RASGRF1: variants seen among roughly 807,000 people sequenced by gnomAD.
RASGRF1 encodes the protein Ras protein specific guanine nucleotide releasing factor 1.
Under a neutral mutation model 138.7 loss-of-function variants are expected in RASGRF1, and 40 were observed. That is an observed-to-expected ratio of 0.29 (90% CI 0.22 to 0.38). The LOEUF (loss-of-function observed/expected upper bound fraction) is 0.38, where lower values mean the gene tolerates loss of function less well. RASGRF1 is among the 10% of genes least tolerant of loss of function. RASGRF1 has a pLI of 1.00. For missense variants in RASGRF1, 1,108 were observed against 1,650.4 expected (o/e 0.67, Z 5.69); for synonymous variants, 614 against 663.2 (o/e 0.93, Z 1.14).
At position 79,017,883 on chromosome 15, in the gene RASGRF1, C is replaced by G. The variant is rs780630269; in HGVS notation, c.1630G>C (p.Asp544His). Reference sequence around the variant, plus strand: ...ACCCCGATTTTAAAATCCAAGTGATCTATGTCTTGGCCGGATCCTTTGGCT... The same window carrying G: ...ACCCCGATTTTAAAATCCAAGTGATGTATGTCTTGGCCGGATCCTTTGGCT... The part of the protein sequence containing the change: ...EEAKGSGQDI[D>H]HLDFKIGVEP... The change falls in exon 12 of 27, where the codon GAT (aspartate) becomes CAT (histidine). Residue 544 changes from aspartate (D) to histidine (H), a missense_variant. By Grantham distance (81) the Asp-to-His change is moderately conservative (BLOSUM62 -1). Around this residue, in one of 3 missense-constraint regions of RASGRF1, gnomAD observed 686 missense variants for 976.7 expected, o/e 0.70. Coordinates refer to ENST00000558480, the MANE Select transcript of RASGRF1 (RefSeq NM_001145648.3). 1 of 1,613,502 alleles carries G rather than the reference C, an allele frequency of 6.2e-7. No individual in the cohort carries two copies. Among genetic ancestry groups the G allele is most frequent in the Non-Finnish European group, 8.5e-7 (1 of 1,179,820 alleles).
chr15:79,064,130 A>G (rs967521754), intron 2 of RASGRF1, among the ~76,000 whole-genome samples: 26 of 152,148 alleles, frequency 1.7e-4, no homozygotes, highest in African/African-American at 6.3e-4. Flanking sequence ...GAGCCACAAA[A>G]TCCTTTAACC....
intron 24 of RASGRF1, among the ~76,000 whole-genome samples, chr15:78,974,044 T>C (rs1723902277): frequency 6.6e-6 from 1 of 152,118 alleles, no homozygotes; most frequent in Non-Finnish European, 1.5e-5. Flanking sequence ...CCATGGTTGG[T>C]GACTCATGGG....
intron 1 of RASGRF1, among the ~76,000 whole-genome samples, chr15:79,071,672 CT>C (rs889812505): frequency 3.9e-5 from 6 of 151,992 alleles, no homozygotes; most frequent in African/African-American, 1.2e-4. Context: ...GCCTGGCCCT[CT>C]GCAGCTGTCT....
At position 78,991,851 on chromosome 15, in the gene RASGRF1, G is replaced by A. The variant is rs1035283880; in HGVS notation, c.3028-57C>T. 5.6e-6 allele frequency: 8 copies of A among 1,421,410 alleles called. No homozygotes were observed. The African/African-American group carries it at 1.1e-4, about 20-fold the overall frequency. The allele number at this position is 1,421,410 out of a possible 1,614,324, so 88.0% of individuals were successfully genotyped here. A position where few individuals can be genotyped will look rare whatever the true frequency, so the allele number is the denominator to read the frequency against. On this transcript the variant is annotated intron_variant, in intron 20 of 26. Transcript: ENST00000558480. ...GTTAGGCCCATGACGGACACCTCCT[G>A]GATTCCCAGCTGCCTCTGTGGGGGT...
intron 20 of RASGRF1, among the ~76,000 whole-genome samples, chr15:78,993,449 A>G (rs903490790): frequency 6.6e-6 from 1 of 151,838 alleles, no homozygotes; most frequent in Non-Finnish European, 1.5e-5. Flanking sequence ...TGCCCTGGGC[A>G]GGGAAGGGTG....
At chr15:78,979,193 G>A in intron 24 of RASGRF1, 1 of 1,274,788 alleles carries the variant, frequency 7.8e-7, no homozygotes, top group Non-Finnish European at 1.0e-6. Flanking sequence ...AGCACAGATG[G>A]GTGCAACATC....
chr15:78,969,351 T>C (rs1264022223), intron 26 of RASGRF1, among the ~76,000 whole-genome samples: 3 of 152,214 alleles, frequency 2.0e-5, no homozygotes, highest in East Asian at 1.9e-4. Context: ...ATAGGTGATG[T>C]TGTGGCTCAT....
intron 13 of RASGRF1, among the ~76,000 whole-genome samples, chr15:79,011,746 G>T (rs1319235006): frequency 6.6e-6 from 1 of 152,200 alleles, no homozygotes; most frequent in Non-Finnish European, 1.5e-5. Flanking sequence ...GTGGCACAAA[G>T]AAACACTGTG....
chr15:78,975,599 C>T (rs1330183307), intron 24 of RASGRF1, among the ~76,000 whole-genome samples: 1 of 151,570 alleles, frequency 6.6e-6, no homozygotes, highest in African/African-American at 2.4e-5. Flanking sequence ...GCAGCCTTGA[C>T]TTCTCAGGCT....
chr15:79,001,652 T>G lies in RASGRF1; in HGVS notation c.2575+10A>C. ...AAATCTATTTGTGGTTTTGAATTGG[T>G]GCATTGTACCTGAAGAATTTTTGTT... is the stretch of plus-strand genomic sequence containing the variant. On this transcript the variant is annotated intron_variant, in intron 16 of 26. Coordinates refer to ENST00000558480, the MANE Select transcript of RASGRF1 (RefSeq NM_001145648.3). 1 of 1,613,094 alleles carries G rather than the reference T, an allele frequency of 6.2e-7. No homozygotes were observed. The highest frequency in any genetic ancestry group is 8.5e-7 in the Non-Finnish European group (1 of 1,179,390).
At chr15:78,996,382 C>T (rs2056391926) in intron 19 of RASGRF1, among the ~76,000 whole-genome samples, 1 of 152,196 alleles carries the variant, frequency 6.6e-6, no homozygotes, top group Non-Finnish European at 1.5e-5. Flanking sequence ...CCAACGGAGG[C>T]TGCGGACACT....
chr15:79,077,067 G>A (rs897679621), intron 1 of RASGRF1, among the ~76,000 whole-genome samples: 15 of 152,286 alleles, frequency 9.8e-5, no homozygotes, highest in African/African-American at 3.4e-4. Context: ...GCCTCTTCAG[G>A]GATAGCTGAC....
chr15:78,969,360 A>G (rs2055705503), intron 26 of RASGRF1, among the ~76,000 whole-genome samples: 1 of 152,236 alleles, frequency 6.6e-6, no homozygotes, highest in Non-Finnish European at 1.5e-5. Flanking sequence ...GTTGTGGCTC[A>G]TGATGCCCTT....
intron 10 of RASGRF1, among the ~76,000 whole-genome samples, chr15:79,021,134 C>T (rs1237368002): frequency 6.6e-6 from 1 of 152,200 alleles, no homozygotes; most frequent in East Asian, 1.9e-4. Flanking sequence ...ACTGCAAACC[C>T]CTGAAATGCC....
At chr15:78,965,153 G>T (rs969539205) in intron 26 of RASGRF1, among the ~76,000 whole-genome samples, 1 of 152,020 alleles carries the variant, frequency 6.6e-6, no homozygotes. Flanking sequence ...TTACTACAAC[G>T]GCCAACACTG....
At position 78,973,046 on chromosome 15, in the gene RASGRF1, TAAG is replaced by T. The variant is rs1354776947; in HGVS notation, c.3612+254_3612+256del. On this transcript the variant is annotated intron_variant, in intron 25 of 26. Coordinates refer to ENST00000558480, the MANE Select transcript of RASGRF1 (RefSeq NM_001145648.3). This position sits in a 1 kb window ranked among gnomAD's most constrained non-coding sequence, Gnocchi z 4.9. ...GTCTGCTCATCTGAAAGGTGCAGAA[TAAG>T]AAGAGCAGCTACCTCTCAGACTGTC... Among the ~76,000 whole-genome samples the T allele has an allele frequency of 1.3e-5, 2 of 152,148 alleles. No homozygotes were observed. The highest frequency in any genetic ancestry group is 2.9e-5 in the Non-Finnish European group (2 of 68,030).
At chr15:79,068,571 CA>C (rs1481050698) in intron 1 of RASGRF1, among the ~76,000 whole-genome samples, 1 of 146,564 alleles carries the variant, frequency 6.8e-6, no homozygotes, top group Non-Finnish European at 1.5e-5. Context: ...ATCGATGTAT[CA>C]TATATATATA....
intron 13 of RASGRF1, among the ~76,000 whole-genome samples, chr15:79,009,431 TGAAGCCAA>T (rs2056748996): frequency 3.9e-5 from 6 of 152,164 alleles, no homozygotes; most frequent in Non-Finnish European, 8.8e-5. Flanking sequence ...GTCTCTCAAA[TGAAGCCAA>T]GTCATTCCCA....
chr15:78,992,714 C>A (rs927382982), intron 20 of RASGRF1, among the ~76,000 whole-genome samples: 2 of 152,176 alleles, frequency 1.3e-5, no homozygotes, highest in African/African-American at 4.8e-5. Context: ...GTGCCTCATG[C>A]CTTCACTTTT....
Sources: allele counts gnomAD v4.1 joint callset (sites outside exome capture counted in the v4.1 genomes callset), GRCh38; gene constraint gnomAD v4.1.1; regional missense constraint gnomAD v4.1.1; non-coding constraint Gnocchi (gnomAD v3.1); transcripts MANE v1.5; gene names NCBI Gene and HGNC (gene_info 2026-07-23, HGNC 2026-07-21).